The following AGAP1 variants were observed in gnomAD, a reference collection of about 807,000 sequenced individuals.
AGAP1 encodes ArfGAP with GTPase domain, ankyrin repeat and PH domain 1.
AGAP1 carries 29 observed loss-of-function variants against 105.3 expected under a neutral mutation model. That is an observed-to-expected ratio of 0.28 (90% CI 0.21 to 0.38). The LOEUF is 0.38. Among genes scored for constraint, AGAP1 ranks in the 10% least tolerant of loss-of-function variants. AGAP1 has a pLI of 1.00. For missense variants in AGAP1, 998 were observed against 1,165.1 expected, an observed-to-expected ratio of 0.86 and a Z score of 2.09; for synonymous variants, 509 against 485.9, an observed-to-expected ratio of 1.05 and a Z score of -0.63.
chr2:235,563,873 A>G (rs1574854651), intron 1 of AGAP1, among the ~76,000 whole-genome samples: 1 of 152,092 alleles, frequency 6.6e-6, no homozygotes, highest in Admixed American at 6.5e-5. Flanking sequence ...TCTTTTACAA[A>G]TGGGGACATT....
At chr2:236,025,425 A>G (rs949556252) in intron 13 of AGAP1, among the ~76,000 whole-genome samples, 1 of 152,170 alleles carries the variant, frequency 6.6e-6, no homozygotes, top group Non-Finnish European at 1.5e-5. Flanking sequence ...CTTCGGGGCC[A>G]TCGGTGATTT....
In AGAP1 at chr2:236,014,390, A is replaced by T. The variant is rs1179587875; in HGVS notation, c.1646-22171A>T. Among the ~76,000 whole-genome samples the T allele has an allele frequency of 2.0e-5, 3 of 152,164 alleles. No individual in the cohort carries two copies. Among genetic ancestry groups the T allele is most frequent in the Non-Finnish European group, 4.4e-5 (3 of 68,026 alleles). ...CTCATAACCAGGGTCTCTTGATTTG[A>T]CATGCTCCTAATATTTGGCCGAATC... On this transcript the variant is annotated intron_variant, in intron 13 of 17. Coordinates refer to ENST00000304032, the MANE Select transcript of AGAP1 (RefSeq NM_001037131.3). This position sits in a 1 kb window ranked among gnomAD's most constrained non-coding sequence, Gnocchi z 6.3.
intron 9 of AGAP1, among the ~76,000 whole-genome samples, chr2:235,861,993 T>C (rs1239235585): frequency 6.6e-6 from 1 of 152,194 alleles, no homozygotes; most frequent in Non-Finnish European, 1.5e-5. Context: ...GCACCTTTGC[T>C]TGAGCTCATT....
At chr2:235,806,537 G>C (rs537078916) in intron 8 of AGAP1, among the ~76,000 whole-genome samples, 1 of 152,238 alleles carries the variant, frequency 6.6e-6, no homozygotes, top group East Asian at 1.9e-4. Flanking sequence ...GCAGCCACTC[G>C]TCGTCCGCAG....
rs1316905599 is a variant in AGAP1, at chr2:236,009,826, C to G, written c.1646-26735C>G. Among the ~76,000 whole-genome samples, 1 of 152,162 alleles carries G rather than the reference C, an allele frequency of 6.6e-6. No homozygotes were observed. The highest frequency in any genetic ancestry group is 1.9e-4 in the East Asian group (1 of 5,192). Reference sequence around the variant, plus strand: ...CAACATGGCTGACGCGCCTTGGACACACAGCCTCGGCGCTGCATCATTTTT... The same window carrying G: ...CAACATGGCTGACGCGCCTTGGACAGACAGCCTCGGCGCTGCATCATTTTT... On this transcript the variant is annotated intron_variant, in intron 13 of 17. Transcript: ENST00000304032. This position sits in a 1 kb window ranked among gnomAD's most constrained non-coding sequence, Gnocchi z 4.2.
intron 1 of AGAP1, among the ~76,000 whole-genome samples, chr2:235,603,033 G>A (rs1945785291): frequency 6.6e-6 from 1 of 152,124 alleles, no homozygotes; most frequent in Non-Finnish European, 1.5e-5. Flanking sequence ...ATATGGTTTG[G>A]CTGTGTCCCC....
chr2:235,524,826 T>C (rs1005347656), intron 1 of AGAP1, among the ~76,000 whole-genome samples: 6 of 152,198 alleles, frequency 3.9e-5, no homozygotes, highest in Non-Finnish European at 8.8e-5. Context: ...AGAGAAACTC[T>C]TCAGTGAACA....
In AGAP1 at chr2:235,590,223, C is replaced by G. The variant is rs111917103; in HGVS notation, c.163+95374C>G. On this transcript the variant is annotated intron_variant, in intron 1 of 17. Coordinates refer to ENST00000304032, the MANE Select transcript of AGAP1 (RefSeq NM_001037131.3). ...GTTACTGTCTCCCTGAGTTTTTACT[C>G]GGTGTTAACGTTTAAAAGCTCCAGC... Among the ~76,000 whole-genome samples the G allele has an allele frequency of 6.3e-3, 964 of 152,266 alleles. 18 individuals carry two copies. Among genetic ancestry groups the G allele is most frequent in the African/African-American group, 0.021 (885 of 41,552 alleles).
At chr2:235,519,078 T>C (rs1345612064) in intron 1 of AGAP1, among the ~76,000 whole-genome samples, 1 of 152,170 alleles carries the variant, frequency 6.6e-6, no homozygotes, top group African/African-American at 2.4e-5. Context: ...TGTGTGTGTA[T>C]GTGTTTATTT....
chr2:235,554,336 C>T (rs187256790), intron 1 of AGAP1, among the ~76,000 whole-genome samples: 2 of 152,324 alleles, frequency 1.3e-5, no homozygotes, highest in East Asian at 3.9e-4. Context: ...GGCCAAGTGA[C>T]ATTTGTTTTG....
rs547648091 is a variant in AGAP1 at position 235,552,656 on chromosome 2, G to C, written c.163+57807G>C. On this transcript the variant is annotated intron_variant, in intron 1 of 17. Coordinates refer to ENST00000304032, the MANE Select transcript of AGAP1 (RefSeq NM_001037131.3). This position sits in a 1 kb window ranked among gnomAD's most constrained non-coding sequence, Gnocchi z 5.9. ...ACACACCTGGCAGAGGTTTGGAGCTGGGTTGTGGGTGAGGGATGCAGAGAG... is the reference window on the plus strand; with the variant it reads ...ACACACCTGGCAGAGGTTTGGAGCTCGGTTGTGGGTGAGGGATGCAGAGAG... Among the ~76,000 whole-genome samples the C allele has an allele frequency of 6.6e-6, 1 of 152,330 alleles. No homozygotes were observed. The highest frequency in any genetic ancestry group is 1.9e-4 in the East Asian group (1 of 5,184).
At position 235,732,783 on chromosome 2, in the gene AGAP1, C is replaced by T. The variant is rs1240207322; in HGVS notation, c.311-8180C>T. On this transcript the variant is annotated intron_variant, in intron 3 of 17. Transcript: ENST00000304032. The surrounding 1 kb of genome is among the most constrained non-coding windows in gnomAD (Gnocchi z 4.8). ...AATCTAGGCTGTTGGGAGCCCGTGACCGCCCTGCTTCCTGTGGTGGGAGAA... is the reference window on the plus strand; with the variant it reads ...AATCTAGGCTGTTGGGAGCCCGTGATCGCCCTGCTTCCTGTGGTGGGAGAA... 1.3e-5 allele frequency among the ~76,000 whole-genome samples: 2 copies of T among 152,184 alleles called. No homozygotes were observed. Among genetic ancestry groups the T allele is most frequent in the African/African-American group, 2.4e-5 (1 of 41,442 alleles).
Position 235,564,182 on chromosome 2 carries a change from G to A in AGAP1, c.163+69333G>A, listed in dbSNP as rs374488852. On this transcript the variant is annotated intron_variant, in intron 1 of 17. Coordinates refer to ENST00000304032, the MANE Select transcript of AGAP1 (RefSeq NM_001037131.3). Reference sequence around the variant, plus strand: ...ATCGTAGCCCTGGCCTTTATCCATCGAATCCTAAAGTGATCTGGCTGCTCA... The same window carrying A: ...ATCGTAGCCCTGGCCTTTATCCATCAAATCCTAAAGTGATCTGGCTGCTCA... Among the ~76,000 whole-genome samples, 10 of 152,146 alleles carry A rather than the reference G, an allele frequency of 6.6e-5. No homozygotes were observed. In the South Asian group the frequency reaches 8.3e-4, roughly 13 times the overall value.
rs535176974 is a variant in AGAP1 at position 235,979,410 on chromosome 2, C to T, written c.1645+10787C>T. Among the ~76,000 whole-genome samples the T allele has an allele frequency of 4.6e-5, 7 of 152,150 alleles. No homozygotes were observed. The highest frequency in any genetic ancestry group is 1.2e-4 in the African/African-American group (5 of 41,522). On this transcript the variant is annotated intron_variant, in intron 13 of 17. Coordinates refer to ENST00000304032, the MANE Select transcript of AGAP1 (RefSeq NM_001037131.3). The surrounding 1 kb of genome is among the most constrained non-coding windows in gnomAD (Gnocchi z 4.5). Reference sequence around the variant, plus strand: ...GCCTGTCTCGCCTGGCTGCGGGGTCCGATCATAGTTACTGACTCGCGCTCA... The same window carrying T: ...GCCTGTCTCGCCTGGCTGCGGGGTCTGATCATAGTTACTGACTCGCGCTCA...
rs760879298 is a variant in AGAP1, at chr2:235,725,396, A to C, written c.310+7752A>C. ...TGTGTTTAAGCTGTCAGCTCCAAAA[A>C]CCCTTTCCAAGTCAAATAACTTAAA... is the stretch of plus-strand genomic sequence containing the variant. On this transcript the variant is annotated intron_variant, in intron 3 of 17. Coordinates refer to ENST00000304032, the MANE Select transcript of AGAP1 (RefSeq NM_001037131.3). The surrounding 1 kb of genome is among the most constrained non-coding windows in gnomAD (Gnocchi z 5.7). 6.6e-6 allele frequency among the ~76,000 whole-genome samples: 1 copy of C among 151,564 alleles called. No homozygotes were observed. The highest frequency in any genetic ancestry group is 1.5e-5 in the Non-Finnish European group (1 of 67,934).
chr2:235,920,808 CTG>C (rs1277950348), intron 11 of AGAP1, among the ~76,000 whole-genome samples: 1 of 152,196 alleles, frequency 6.6e-6, no homozygotes, highest in Non-Finnish European at 1.5e-5. Flanking sequence ...TGCTAAAAAA[CTG>C]TAGAGATAGG....
intron 9 of AGAP1, 125 bp downstream of exon 9, chr2:235,807,456 T>G: frequency 1.4e-6 from 1 of 726,546 alleles, no homozygotes; most frequent in Non-Finnish European, 2.1e-6. Flanking sequence ...TAGAAGTCTC[T>G]CACTTGACAT....
rs2056229424 is a variant in AGAP1, at chr2:236,003,997, T to C, written c.1646-32564T>C. Among the ~76,000 whole-genome samples the C allele has an allele frequency of 6.6e-6, 1 of 152,166 alleles. No homozygotes were observed. Among genetic ancestry groups the C allele is most frequent in the African/African-American group, 2.4e-5 (1 of 41,444 alleles). On this transcript the variant is annotated intron_variant, in intron 13 of 17. Transcript: ENST00000304032. The surrounding 1 kb of genome is among the most constrained non-coding windows in gnomAD (Gnocchi z 4.2). The stretch of plus-strand genomic sequence containing the variant: ...TTTTTCTGGCAACTCACTTAGGGCT[T>C]TTACAGGTGCAATGAGCTTTGGTGA...
At position 235,701,027 on chromosome 2, in the gene AGAP1, ATG is replaced by A. The variant is rs1211356706; in HGVS notation, c.164-8151_164-8150del. Reference sequence around the variant, plus strand: ...ATATAGTTATATGTATATATTATATATGCTATAATATAGTTATATGTATATAT... The same window carrying A: ...ATATAGTTATATGTATATATTATATACTATAATATAGTTATATGTATATAT... On this transcript the variant is annotated intron_variant, in intron 1 of 17. Transcript: ENST00000304032. This position sits in a 1 kb window ranked among gnomAD's most constrained non-coding sequence, Gnocchi z 4.1. 4.3e-3 allele frequency among the ~76,000 whole-genome samples: 603 copies of A among 140,992 alleles called. 2 individuals carry two copies. Among genetic ancestry groups the A allele is most frequent in the Non-Finnish European group, 7.6e-3 (508 of 66,700 alleles). The allele number at this position is 140,992 out of a possible 152,430, so 92.5% of individuals were successfully genotyped here.
Sources: gnomAD v4.1 joint callset for allele counts (sites outside exome capture counted in the v4.1 genomes callset) on GRCh38, gnomAD v4.1.1 for gene constraint, Gnocchi (gnomAD v3.1) non-coding constraint, MANE v1.5 for transcripts, NCBI Gene and HGNC (gene_info 2026-07-23, HGNC 2026-07-21) for gene names.